The following DLGAP1 variants were observed in gnomAD, a reference collection of about 807,000 sequenced individuals.
DLGAP1 encodes the protein DLG associated protein 1.
Under a neutral mutation model 90.8 loss-of-function variants are expected in DLGAP1, and 11 were observed. The ratio of observed to expected loss-of-function variants is 0.12; its 90% CI spans 0.08 to 0.20. DLGAP1 has a LOEUF of 0.20. Ranked by LOEUF, DLGAP1 falls within the 10% of genes least tolerant of loss-of-function variation. The pLI is 1.00. For synonymous variants in DLGAP1, 558 were observed against 540.7 expected (o/e 1.03, Z -0.44); for missense variants, 1,050 against 1,333.8 (o/e 0.79, Z 3.31).
chr18:4,208,533 A>G, intron 1 of DLGAP1, among the ~76,000 whole-genome samples: 1 of 152,196 alleles, frequency 6.6e-6, no homozygotes, highest in East Asian at 1.9e-4. Context: ...CCAGTAACAT[A>G]TGTTGTTGAA....
chr18:3,910,619 T>C (rs1198260655), intron 3 of DLGAP1, among the ~76,000 whole-genome samples: 1 of 152,096 alleles, frequency 6.6e-6, no homozygotes, highest in Non-Finnish European at 1.5e-5. Context: ...AAACTGAAAA[T>C]GGCTGCTTGG....
chr18:4,091,880 CT>C (rs2075777307), intron 2 of DLGAP1, among the ~76,000 whole-genome samples: 1 of 130,070 alleles, frequency 7.7e-6, no homozygotes, highest in Non-Finnish European at 1.7e-5. Flanking sequence ...ATAATTTTGC[CT>C]CTTGATCATG....
In DLGAP1 at chr18:4,077,493, C is replaced by T. The variant is rs546386529; in HGVS notation, c.-158-72292G>A. On this transcript the variant is annotated intron_variant, in intron 2 of 12. Coordinates refer to ENST00000315677, the MANE Select transcript of DLGAP1 (RefSeq NM_004746.4). Reference sequence around the variant, plus strand: ...GAATAGATTAATGCCCTCCTTGTGGCGGAGGGCAGGGGTGGGGAGCTGTGA... The same window carrying T: ...GAATAGATTAATGCCCTCCTTGTGGTGGAGGGCAGGGGTGGGGAGCTGTGA... 3.9e-5 allele frequency among the ~76,000 whole-genome samples: 6 copies of T among 152,148 alleles called. No individual in the cohort carries two copies. In the South Asian group the frequency reaches 8.3e-4, roughly 21 times the overall value.
Position 3,860,101 on chromosome 18 carries a change from A to AAAATAAATAAATAAATAAATAAATAAAT in DLGAP1, c.957+19010_957+19011insATTTATTTATTTATTTATTTATTTATTT, listed in dbSNP as rs61248778. 7.6e-5 allele frequency among the ~76,000 whole-genome samples: 11 copies of AAAATAAATAAATAAATAAATAAATAAAT among 144,400 alleles called. 1 individual carries two copies. Among genetic ancestry groups the AAAATAAATAAATAAATAAATAAATAAAT allele is most frequent in the African/African-American group, 2.9e-4 (11 of 38,418 alleles). The allele number at this position is 144,400 out of a possible 152,430, so 94.7% of individuals were successfully genotyped here. On this transcript the variant is annotated intron_variant, in intron 4 of 12. Coordinates refer to ENST00000315677, the MANE Select transcript of DLGAP1 (RefSeq NM_004746.4). ...GCGACAGAGCGAGACTCTGTCTCAA[A>AAAATAAATAAATAAATAAATAAATAAAT]AAATAAATAAATAAATAAATTTGCA...
chr18:3,736,109 G>A (rs1265327840), intron 6 of DLGAP1, among the ~76,000 whole-genome samples: 1 of 152,124 alleles, frequency 6.6e-6, no homozygotes, highest in Admixed American at 6.5e-5. Flanking sequence ...CCAACATGTT[G>A]CCAGAGAAAA....
At position 3,775,244 on chromosome 18, in the gene DLGAP1, C is replaced by T. The variant is rs1351521788; in HGVS notation, c.1173-32732G>A. On this transcript the variant is annotated intron_variant, in intron 5 of 12. Transcript: ENST00000315677. This position sits in a 1 kb window ranked among gnomAD's most constrained non-coding sequence, Gnocchi z 4.9. ...TTTTGTAACAATTCTCCTTCCATTC[C>T]CCTGTGTTATGCACATCGATATGGT... Among the ~76,000 whole-genome samples the T allele has an allele frequency of 6.6e-6, 1 of 152,204 alleles. No homozygotes were observed. Among genetic ancestry groups the T allele is most frequent in the Non-Finnish European group, 1.5e-5 (1 of 68,048 alleles).
At chr18:4,203,637 C>G (rs1598613161) in intron 1 of DLGAP1, among the ~76,000 whole-genome samples, 1 of 152,094 alleles carries the variant, frequency 6.6e-6, no homozygotes, top group East Asian at 1.9e-4. Context: ...GCCCAGAAAA[C>G]AACCACTCTT....
intron 1 of DLGAP1, among the ~76,000 whole-genome samples, chr18:4,236,318 C>T (rs2078413951): frequency 6.6e-6 from 1 of 152,100 alleles, no homozygotes; most frequent in Admixed American, 6.6e-5. Context: ...TGCCATAATT[C>T]CTTTAGTCAT....
intron 5 of DLGAP1, among the ~76,000 whole-genome samples, chr18:3,786,302 C>A (rs1244325982): frequency 2.0e-5 from 3 of 152,146 alleles, no homozygotes; most frequent in African/African-American, 7.2e-5. Flanking sequence ...CATTATTTTG[C>A]ACCAAATGCT....
chr18:3,552,038 G>A (rs1001494509), intron 9 of DLGAP1, among the ~76,000 whole-genome samples: 3 of 151,134 alleles, frequency 2.0e-5, no homozygotes, highest in African/African-American at 7.3e-5. Context: ...GAACTCCTGG[G>A]CCCAAGCAGT....
intron 7 of DLGAP1, among the ~76,000 whole-genome samples, chr18:3,592,984 T>C (rs146965924): frequency 7.3e-5 from 11 of 151,498 alleles, no homozygotes; most frequent in African/African-American, 2.7e-4. Context: ...ACTATCCCCA[T>C]TTAACTGATG....
At chr18:4,243,819 C>A (rs1240983619) in intron 1 of DLGAP1, among the ~76,000 whole-genome samples, 1 of 151,888 alleles carries the variant, frequency 6.6e-6, no homozygotes, top group African/African-American at 2.4e-5. Flanking sequence ...ACCCGCTTAT[C>A]TTTTTTTTAC....
At chr18:3,655,544 G>A (rs996087332) in intron 7 of DLGAP1, 1 of 152,302 alleles carries the variant, frequency 6.6e-6, no homozygotes, top group Non-Finnish European at 1.5e-5. Context: ...AACAGTAAAG[G>A]AACTTGGTCT....
chr18:3,943,776 A>G (rs1283093909), intron 3 of DLGAP1, among the ~76,000 whole-genome samples: 1 of 152,168 alleles, frequency 6.6e-6, no homozygotes, highest in Non-Finnish European at 1.5e-5. Flanking sequence ...ATTTGGAGAT[A>G]GGGCATTTAA....
intron 2 of DLGAP1, among the ~76,000 whole-genome samples, chr18:4,024,999 C>A (rs2074675834): frequency 6.6e-6 from 1 of 152,166 alleles, no homozygotes; most frequent in East Asian, 1.9e-4. Flanking sequence ...GGAAATCAGA[C>A]AAAACAAGAA....
At chr18:3,852,870 A>G (rs1455673761) in intron 4 of DLGAP1, among the ~76,000 whole-genome samples, 7 of 151,944 alleles carry the variant, frequency 4.6e-5, no homozygotes, top group African/African-American at 1.7e-4. Context: ...ATTTTACATT[A>G]TTTTTAATTA....
rs537149450 is a variant in DLGAP1 at position 4,431,327 on chromosome 18, A to G, written c.-267+23679T>C. Among the ~76,000 whole-genome samples, 207 of 152,330 alleles carry G rather than the reference A, an allele frequency of 1.4e-3. 2 individuals are homozygous for G. Among genetic ancestry groups the G allele is most frequent in the South Asian group, 8.3e-3 (40 of 4,832 alleles). On this transcript the variant is annotated intron_variant, in intron 1 of 12. Coordinates refer to ENST00000315677, the MANE Select transcript of DLGAP1 (RefSeq NM_004746.4). ...TTGGTTCTGACCTTAGTACTGCAGT[A>G]ACTTTTAGACTTGGGTATAAACACT...
At chr18:3,950,169 A>T (rs1313840187) in intron 3 of DLGAP1, among the ~76,000 whole-genome samples, 2 of 152,200 alleles carry the variant, frequency 1.3e-5, no homozygotes, top group Non-Finnish European at 2.9e-5. Flanking sequence ...CCACAAAATG[A>T]GTTAATTATG....
intron 1 of DLGAP1, among the ~76,000 whole-genome samples, chr18:4,346,759 T>C (rs1380811931): frequency 6.6e-6 from 1 of 152,156 alleles, no homozygotes; most frequent in Non-Finnish European, 1.5e-5. Context: ...TATTTCTGTA[T>C]ATCATTTAAG....
Sources: gnomAD v4.1 joint callset for allele counts (sites outside exome capture counted in the v4.1 genomes callset) on GRCh38, gnomAD v4.1.1 for gene constraint, Gnocchi (gnomAD v3.1) non-coding constraint, MANE v1.5 for transcripts, NCBI Gene and HGNC (gene_info 2026-07-23, HGNC 2026-07-21) for gene names.